GRM7: variants seen among roughly 807,000 people sequenced by gnomAD.
The protein encoded by GRM7 is glutamate metabotropic receptor 7.
In GRM7, 35 loss-of-function variants were observed where a neutral mutation model predicts 84.5. That is an observed-to-expected ratio of 0.41 (90% CI 0.32 to 0.55). GRM7 has a LOEUF of 0.55. Among genes scored for constraint, GRM7 ranks in the 20% least tolerant of loss-of-function variants. The pLI is 0.19. For synonymous variants in GRM7, 487 were observed against 455.1 expected, an observed-to-expected ratio of 1.07 and a Z score of -0.89; for missense variants, 1,003 against 1,194.6, an observed-to-expected ratio of 0.84 and a Z score of 2.36.
intron 4 of GRM7, among the ~76,000 whole-genome samples, chr3:7,313,082 C>G (rs112505455): frequency 6.6e-6 from 1 of 151,888 alleles, no homozygotes; most frequent in Non-Finnish European, 1.5e-5. Flanking sequence ...GCGCCTGCCA[C>G]CACGCCCAAC....
At chr3:6,881,152 G>A (rs1162121789) in intron 1 of GRM7, among the ~76,000 whole-genome samples, 1 of 151,918 alleles carries the variant, frequency 6.6e-6, no homozygotes, top group African/African-American at 2.4e-5. Context: ...TTTATTTTTA[G>A]TTCTGGGGTA....
intron 1 of GRM7, among the ~76,000 whole-genome samples, chr3:7,127,600 A>C (rs1043380429): frequency 6.6e-6 from 1 of 152,164 alleles, no homozygotes; most frequent in Non-Finnish European, 1.5e-5. Flanking sequence ...TTCTCTTAAT[A>C]CTAACTGGGA....
At chr3:7,478,394 C>T (rs1465827563) in intron 7 of GRM7, among the ~76,000 whole-genome samples, 1 of 152,024 alleles carries the variant, frequency 6.6e-6, no homozygotes, top group Admixed American at 6.6e-5. Context: ...TTATGTTGGC[C>T]CACGTATCAA....
At chr3:6,933,452 C>T (rs1423025938) in intron 1 of GRM7, among the ~76,000 whole-genome samples, 3 of 152,230 alleles carry the variant, frequency 2.0e-5, no homozygotes, top group South Asian at 2.1e-4. Context: ...ATAGATGCTG[C>T]TTACTTTAAG....
At chr3:6,906,493 A>G (rs889151637) in intron 1 of GRM7, among the ~76,000 whole-genome samples, 1 of 152,176 alleles carries the variant, frequency 6.6e-6, no homozygotes, top group African/African-American at 2.4e-5. Flanking sequence ...TAAAAATTTT[A>G]TTCTTATTCA....
At chr3:7,641,663 G>A (rs138696909) in intron 8 of GRM7, among the ~76,000 whole-genome samples, 18 of 152,062 alleles carry the variant, frequency 1.2e-4, no homozygotes, top group African/African-American at 4.1e-4. Flanking sequence ...GTACAGCCAA[G>A]GCTAATAATT....
chr3:7,291,799 T>C (rs1174265725), intron 2 of GRM7, among the ~76,000 whole-genome samples: 3 of 152,062 alleles, frequency 2.0e-5, no homozygotes, highest in East Asian at 1.9e-4. Flanking sequence ...GGAGGTGATA[T>C]GGTTTGGCTG....
chr3:6,900,206 G>T (rs1236960864), intron 1 of GRM7, among the ~76,000 whole-genome samples: 2 of 152,154 alleles, frequency 1.3e-5, no homozygotes, highest in East Asian at 3.9e-4. Flanking sequence ...CTTTAAGAGA[G>T]ATTTTATAGA....
In GRM7 at chr3:7,332,146, G is replaced by A. The variant is rs1287367364; in HGVS notation, c.1033+25494G>A. On this transcript the variant is annotated intron_variant, in intron 4 of 9. Coordinates refer to ENST00000357716, the MANE Select transcript of GRM7 (RefSeq NM_000844.4). ...ACCACACCTGAGCAGGATATTAAACGAGGAAAGTGAACATCAGCCTAGCAT... is the reference window on the plus strand; with the variant it reads ...ACCACACCTGAGCAGGATATTAAACAAGGAAAGTGAACATCAGCCTAGCAT... Among the ~76,000 whole-genome samples, 7 of 152,272 alleles carry A rather than the reference G, an allele frequency of 4.6e-5. No homozygotes were observed. In the East Asian group the frequency reaches 1.2e-3, roughly 25 times the overall value.
At position 7,382,645 on chromosome 3, in the gene GRM7, A is replaced by G. The variant is rs1428390044; in HGVS notation, c.1034-32378A>G. Among the ~76,000 whole-genome samples, 6 of 152,248 alleles carry G rather than the reference A, an allele frequency of 3.9e-5. No individual in the cohort carries two copies. The East Asian group carries it at 9.6e-4, about 24-fold the overall frequency. On this transcript the variant is annotated intron_variant, in intron 4 of 9. Coordinates refer to ENST00000357716, the MANE Select transcript of GRM7 (RefSeq NM_000844.4). ...GCTTGTTGAATAAAAAGGGAAAACA[A>G]TAGAATACATAGGAAGAGTAAGGAT...
At chr3:7,636,389 C>T (rs996538000) in intron 8 of GRM7, 2 of 433,926 alleles carry the variant, frequency 4.6e-6, no homozygotes, top group African/African-American at 2.0e-5. Flanking sequence ...GGTGCCTGGA[C>T]ACACACTGTC....
At chr3:6,897,749 G>A (rs371663182) in intron 1 of GRM7, among the ~76,000 whole-genome samples, 2 of 152,198 alleles carry the variant, frequency 1.3e-5, no homozygotes, top group Admixed American at 6.5e-5. Flanking sequence ...ATCAAACAAG[G>A]TTTCAGCAGG....
chr3:7,213,946 C>T (rs1696516157), intron 2 of GRM7, among the ~76,000 whole-genome samples: 2 of 152,246 alleles, frequency 1.3e-5, no homozygotes, highest in African/African-American at 4.8e-5. Context: ...CAGTAAAGAA[C>T]AGCAAAGGGC....
chr3:7,463,216 A>ACCC (rs1478882927), intron 7 of GRM7, among the ~76,000 whole-genome samples: 2 of 152,074 alleles, frequency 1.3e-5, no homozygotes, highest in Non-Finnish European at 2.9e-5. Context: ...TCCAGCATAA[A>ACCC]CCCTGCACTC....
intron 1 of GRM7, among the ~76,000 whole-genome samples, chr3:7,019,198 G>A (rs1695680764): frequency 1.3e-5 from 2 of 152,138 alleles, no homozygotes; most frequent in Admixed American, 6.5e-5. Context: ...TTACTTTTGA[G>A]AGCAATGTAG....
At chr3:6,880,074 G>C (rs1462809359) in intron 1 of GRM7, among the ~76,000 whole-genome samples, 1 of 152,168 alleles carries the variant, frequency 6.6e-6, no homozygotes, top group African/African-American at 2.4e-5. Context: ...TCGTTAGCTA[G>C]GGCTTTAAAC....
At chr3:7,393,555 T>C (rs1695089100) in intron 4 of GRM7, among the ~76,000 whole-genome samples, 1 of 152,228 alleles carries the variant, frequency 6.6e-6, no homozygotes, top group African/African-American at 2.4e-5. Context: ...TTTTCTCTGG[T>C]GAATCTGAGG....
chr3:7,305,815 C>T (rs1461840190), intron 3 of GRM7, among the ~76,000 whole-genome samples: 2 of 152,102 alleles, frequency 1.3e-5, no homozygotes, highest in Non-Finnish European at 2.9e-5. Flanking sequence ...GTCTTACCCA[C>T]CAAAGGGGCT....
chr3:7,193,008 T>G (rs1695761240), intron 2 of GRM7, among the ~76,000 whole-genome samples: 1 of 152,146 alleles, frequency 6.6e-6, no homozygotes, highest in African/African-American at 2.4e-5. Context: ...TCCACGGGTT[T>G]ATCTTTGGCC....
Sources: allele counts gnomAD v4.1 joint callset (sites outside exome capture counted in the v4.1 genomes callset), GRCh38; gene constraint gnomAD v4.1.1; transcripts MANE v1.5; gene names NCBI Gene and HGNC (gene_info 2026-07-23, HGNC 2026-07-21).